Variants in TCEANC2 observed in about 807,000 individuals in gnomAD.
The protein encoded by TCEANC2 is transcription elongation factor A N-terminal and central domain containing 2.
Under a neutral mutation model 22.8 loss-of-function variants are expected in TCEANC2, and 20 were observed. The ratio of observed to expected loss-of-function variants is 0.88; its 90% CI spans 0.62 to 1.28. The LOEUF is 1.28. TCEANC2 is among the 50% of genes most tolerant of loss of function. The pLI, the probability that TCEANC2 is intolerant of heterozygous loss-of-function variation, is 0.00. For missense variants in TCEANC2, 251 were observed against 249.7 expected (o/e 1.01, Z -0.03); for synonymous variants, 84 against 95.5 (o/e 0.88, Z 0.70).
chr1:54,060,963 GAGGTA>G (rs755034309), intron 2 of TCEANC2, among the ~76,000 whole-genome samples: 5 of 151,722 alleles, frequency 3.3e-5, no homozygotes, highest in Non-Finnish European at 5.9e-5. Flanking sequence ...AAAAAAAAAA[GAGGTA>G]AGAGAAGAGA....
At chr1:54,081,771 C>A (rs1193349685) in intron 3 of TCEANC2, among the ~76,000 whole-genome samples, 1 of 152,132 alleles carries the variant, frequency 6.6e-6, no homozygotes, top group Admixed American at 6.6e-5. Context: ...GCTGGTTTGG[C>A]TGGTGTTGAC....
chr1:54,095,152 A>G (rs1216701511), intron 4 of TCEANC2, among the ~76,000 whole-genome samples: 2 of 152,160 alleles, frequency 1.3e-5, no homozygotes, highest in Non-Finnish European at 2.9e-5. Flanking sequence ...CTGTAAAATA[A>G]AAGTATATAC....
At chr1:54,095,697 G>C (rs546615850) in intron 4 of TCEANC2, among the ~76,000 whole-genome samples, 15 of 152,072 alleles carry the variant, frequency 9.9e-5, no homozygotes, top group Non-Finnish European at 2.9e-5. Flanking sequence ...TATGGTGAAA[G>C]GGAAGAAACA....
chr1:54,068,872 G>A lies in TCEANC2; in HGVS notation c.219G>A (p.Arg73=). 6.3e-7 allele frequency: 1 copy of A among 1,599,588 alleles called. No individual in the cohort carries two copies. The highest frequency in any genetic ancestry group is 8.5e-7 in the Non-Finnish European group (1 of 1,175,862). Reference sequence around the variant, plus strand: ...AATTAAAGAAGAAAATACCCTCCAGGGAAGTGTTAAAATCAACAAGGATAG... The same window carrying A: ...AATTAAAGAAGAAAATACCCTCCAGAGAAGTGTTAAAATCAACAAGGATAG... ...LQELKKKIPS[R]EVLKSTRIGH... Residue 73 remains arginine, a synonymous_variant, in exon 3 of 5, where the codon AGG becomes AGA. Transcript: ENST00000234827.
chr1:54,088,089 A>G (rs1449597728), intron 3 of TCEANC2, among the ~76,000 whole-genome samples: 1 of 152,204 alleles, frequency 6.6e-6, no homozygotes, highest in East Asian at 1.9e-4. Context: ...TCCCTCCATT[A>G]TAAATTTCCC....
At chr1:54,086,137 A>C (rs898993134) in intron 3 of TCEANC2, among the ~76,000 whole-genome samples, 8 of 152,110 alleles carry the variant, frequency 5.3e-5, no homozygotes, top group African/African-American at 1.9e-4. Flanking sequence ...GTAGGAATGT[A>C]TGTTATTCTT....
At position 54,084,505 on chromosome 1, in the gene TCEANC2, C is replaced by T. The variant is rs114981752; in HGVS notation, c.245-4092C>T. The stretch of plus-strand genomic sequence containing the variant: ...GCAGGTAAAATGTAGGCTAAATTCC[C>T]AGGGCTGTGTTCTCCTCATCTCTGT... On this transcript the variant is annotated intron_variant, in intron 3 of 4. Transcript: ENST00000234827. Among the ~76,000 whole-genome samples the T allele has an allele frequency of 7.0e-3, 1,060 of 152,182 alleles. 15 individuals are homozygous for T. Among genetic ancestry groups the T allele is most frequent in the African/African-American group, 0.024 (1,010 of 41,508 alleles).
At chr1:54,081,116 C>T (rs1658236040) in intron 3 of TCEANC2, among the ~76,000 whole-genome samples, 1 of 152,200 alleles carries the variant, frequency 6.6e-6, no homozygotes, top group South Asian at 2.1e-4. Flanking sequence ...CTCAGTACCT[C>T]AGGTATCTTT....
intron 2 of TCEANC2, among the ~76,000 whole-genome samples, chr1:54,067,495 A>G (rs932056939): frequency 6.6e-6 from 1 of 152,254 alleles, no homozygotes; most frequent in African/African-American, 2.4e-5. Flanking sequence ...AAGTCCAGGT[A>G]GTACTAAAAC....
chr1:54,096,167 A>G lies in TCEANC2; in HGVS notation c.439-118A>G, dbSNP rs1363869127. The G allele has an allele frequency of 7.2e-7, 1 of 1,392,500 alleles. No homozygotes were observed. Among genetic ancestry groups the G allele is most frequent in the East Asian group, 2.4e-5 (1 of 41,432 alleles). 86.3% of individuals were successfully genotyped at this position (1,392,500 alleles called of 1,614,324 possible). ...TCCTGTTTCTCTTGTGACAGGAAGT[A>G]GATGTCCTTGAATTTCAGTTGATTA... is the stretch of plus-strand genomic sequence containing the variant. On this transcript the variant is annotated intron_variant, in intron 4 of 4. Transcript: ENST00000234827. This position sits in a 1 kb window ranked among gnomAD's most constrained non-coding sequence, Gnocchi z 4.9.
chr1:54,060,296 T>G (rs1657828638), intron 2 of TCEANC2, among the ~76,000 whole-genome samples: 1 of 152,040 alleles, frequency 6.6e-6, no homozygotes, highest in Admixed American at 6.6e-5. Context: ...TCCCAGCTGC[T>G]TGGGAGGCTG....
At chr1:54,112,377 A>G (rs922835057) in exon 5 of TCEANC2, 3 of 152,034 alleles carry the variant, frequency 2.0e-5, no homozygotes, top group Non-Finnish European at 2.9e-5. Flanking sequence ...CAACAAAATC[A>G]CTGTGTAATA....
intron 3 of TCEANC2, among the ~76,000 whole-genome samples, chr1:54,082,379 G>A (rs1202021557): frequency 6.6e-6 from 1 of 152,122 alleles, no homozygotes; most frequent in African/African-American, 2.4e-5. Context: ...ATATTCAAAT[G>A]TCAGTACAAA....
chr1:54,058,016 T>C (rs57576875), intron 2 of TCEANC2, among the ~76,000 whole-genome samples: 14,898 of 152,274 alleles, frequency 0.098, 1,726 homozygotes, highest in African/African-American at 0.28. Context: ...CCAGCTCTGC[T>C]ACTTACTACC....
At chr1:54,084,296 A>G (rs1377221557) in intron 3 of TCEANC2, among the ~76,000 whole-genome samples, 1 of 152,176 alleles carries the variant, frequency 6.6e-6, no homozygotes, top group East Asian at 1.9e-4. Flanking sequence ...TACAGACGCT[A>G]GCTGCTGCAC....
intron 3 of TCEANC2, among the ~76,000 whole-genome samples, chr1:54,069,479 G>A (rs902076580): frequency 2.6e-5 from 4 of 151,930 alleles, no homozygotes; most frequent in African/African-American, 7.3e-5. Context: ...ATGGTGGTCC[G>A]TGCCTGTAAT....
intron 2 of TCEANC2, among the ~76,000 whole-genome samples, chr1:54,062,321 C>T (rs1471622326): frequency 6.6e-6 from 1 of 152,176 alleles, no homozygotes; most frequent in Non-Finnish European, 1.5e-5. Context: ...TCTTGTTCCT[C>T]CAAATAATTT....
Position 54,104,495 on chromosome 1 carries a change from TA to T in TCEANC2, c.*8023del. ...GGAGGGAAGGGAGGTATATCTTTGGTACTCAGTTGATTCACGTGGAGACTTC... is the reference window on the plus strand; with the variant it reads ...GGAGGGAAGGGAGGTATATCTTTGGTCTCAGTTGATTCACGTGGAGACTTC... On this transcript the variant is annotated 3_prime_UTR_variant, in exon 5 of 5. Coordinates refer to ENST00000234827, the MANE Select transcript of TCEANC2 (RefSeq NM_153035.3). 2.4e-6 allele frequency: 1 copy of T among 418,608 alleles called. No homozygotes were observed. Among genetic ancestry groups the T allele is most frequent in the Non-Finnish European group, 4.8e-6 (1 of 208,138 alleles). The allele number at this position is 418,608 out of a possible 1,614,324, so 25.9% of individuals were successfully genotyped here.
chr1:54,089,848 C>A (rs2100382423), intron 4 of TCEANC2: 2 of 543,876 alleles, frequency 3.7e-6, no homozygotes, highest in South Asian at 2.4e-5. Context: ...TCTGTCTTCA[C>A]CTTCACCATG....
Sources: gnomAD v4.1 joint callset for allele counts (sites outside exome capture counted in the v4.1 genomes callset) on GRCh38, gnomAD v4.1.1 for gene constraint, Gnocchi (gnomAD v3.1) non-coding constraint, MANE v1.5 for transcripts, NCBI Gene and HGNC (gene_info 2026-07-23, HGNC 2026-07-21) for gene names.